Variants in CBLC observed in about 807,000 individuals in gnomAD.
CBLC encodes the protein Cbl proto-oncogene C.
CBLC carries 46 observed loss-of-function variants against 58.6 expected under a neutral mutation model. That is an observed-to-expected ratio of 0.79 (90% CI 0.62 to 1.00). The LOEUF is 1.00. Ranked by LOEUF, CBLC falls within the 50% of genes least tolerant of loss-of-function variation. The probability of loss-of-function intolerance (pLI) is 0.00; values close to 1 mark genes in which losing one functional copy is unlikely to be tolerated. For synonymous variants in CBLC, 271 were observed against 264.2 expected, an observed-to-expected ratio of 1.03 and a Z score of -0.25; for missense variants, 655 against 625.8, an observed-to-expected ratio of 1.05 and a Z score of -0.50.
At chr19:44,779,873 C>G (rs998268026) in intron 1 of CBLC, among the ~76,000 whole-genome samples, 3 of 151,972 alleles carry the variant, frequency 2.0e-5, no homozygotes, top group Admixed American at 2.0e-4. Flanking sequence ...TTAATTCATC[C>G]TGAGAGGACA....
rs781667442 is a variant in CBLC at position 44,789,954 on chromosome 19, G to A, written c.918-50G>A. On this transcript the variant is annotated intron_variant, in intron 5 of 10. Transcript: ENST00000647358. Reference sequence around the variant, plus strand: ...GGTAAAGGTACTTGTTCATCTGGGGGTGGGAAATACTGGATGGCCCCCCAG... The same window carrying A: ...GGTAAAGGTACTTGTTCATCTGGGGATGGGAAATACTGGATGGCCCCCCAG... 4.2e-6 allele frequency: 5 copies of A among 1,187,504 alleles called. No homozygotes were observed. The Admixed American group carries it at 5.1e-5, about 12-fold the overall frequency. The allele number at this position is 1,187,504 out of a possible 1,614,324, so 73.6% of individuals were successfully genotyped here.
intron 5 of CBLC, among the ~76,000 whole-genome samples, chr19:44,784,950 GTTTTTTTTTTTTTTTTTTTTTTTTTTTT>G: frequency 2.9e-5 from 1 of 34,372 alleles, no homozygotes; most frequent in East Asian, 9.1e-4. Context: ...CTAGACAGGT[GTTTTTTTTTTTTTTTTTTTTTTTTTTTT>G]TTTTTTTTTT....
intron 5 of CBLC, among the ~76,000 whole-genome samples, chr19:44,789,605 G>A (rs957556837): frequency 2.0e-5 from 3 of 152,110 alleles, no homozygotes; most frequent in Admixed American, 6.6e-5. Flanking sequence ...TAGCCAAGCT[G>A]GTCTTGAACT....
chr19:44,789,801 A>G (rs1249267539), intron 5 of CBLC, among the ~76,000 whole-genome samples: 1 of 152,174 alleles, frequency 6.6e-6, no homozygotes, highest in Non-Finnish European at 1.5e-5. Flanking sequence ...CTGAGGGGAC[A>G]TAGCCCTGCC....
In CBLC at chr19:44,778,045, C is replaced by A; in HGVS notation, c.114C>A (p.Ser38=). Residue 38 remains serine, a synonymous_variant, in exon 1 of 11, where the codon TCC becomes TCA. Transcript: ENST00000647358. ...LEEQCVDPRL[S]VSPPSLRDLL... ...AGCAATGCGTCGACCCCCGGCTGTC[C>A]GTGAGTCCCCCTTCGCTGCGGGACC... 1 of 1,609,248 alleles carries A rather than the reference C, an allele frequency of 6.2e-7. No homozygotes were observed.
intron 4 of CBLC, among the ~76,000 whole-genome samples, chr19:44,783,879 C>G (rs1967814619): frequency 6.6e-6 from 1 of 152,176 alleles, no homozygotes; most frequent in Non-Finnish European, 1.5e-5. Context: ...GTGTACCCTA[C>G]CTTCTTAGCA....
chr19:44,787,136 G>A (rs148809360), intron 5 of CBLC, among the ~76,000 whole-genome samples: 117 of 152,286 alleles, frequency 7.7e-4, no homozygotes, highest in African/African-American at 2.6e-3. Context: ...GCTCACGCCT[G>A]TAATCCCAGC....
chr19:44,800,335 T>C (rs749384545), intron 9 of CBLC, 46 bp from the exon 10 acceptor site: 18 of 1,328,722 alleles, frequency 1.4e-5, no homozygotes, highest in East Asian at 1.1e-4. Context: ...GAGGGAAAGA[T>C]TGGATGCCGG....
At chr19:44,787,645 C>T (rs1424249619) in intron 5 of CBLC, among the ~76,000 whole-genome samples, 5 of 150,854 alleles carry the variant, frequency 3.3e-5, no homozygotes, top group East Asian at 2.0e-4. Flanking sequence ...GGTGAAACCC[C>T]GTCTCTACTA....
chr19:44,785,981 G>A (rs1423678667), intron 5 of CBLC, among the ~76,000 whole-genome samples: 2 of 151,920 alleles, frequency 1.3e-5, no homozygotes, highest in Admixed American at 1.3e-4. Context: ...GTAGAGATGG[G>A]GGTGGGGTGT....
intron 1 of CBLC, 145 bp from the exon 2 acceptor site, chr19:44,780,760 A>C: frequency 1.2e-6 from 1 of 839,568 alleles, no homozygotes; most frequent in Non-Finnish European, 1.8e-6. Context: ...GGCGTGAGCC[A>C]CCACGCCCAG....
rs984100829 is a variant in CBLC, at chr19:44,784,404, G to A, written c.917+3G>A. On this transcript the variant is annotated splice_donor_region_variant and intron_variant, in intron 5 of 10. Transcript: ENST00000647358. ...CTGGAGGGACAGAAGGACGGCTTGT[G>A]AGTCTCCATTCTGGTAGGAGGAGGG... 2.5e-6 allele frequency: 4 copies of A among 1,573,984 alleles called. No homozygotes were observed. The highest frequency in any genetic ancestry group is 3.5e-6 in the Non-Finnish European group (4 of 1,149,174).
intron 8 of CBLC, 28 bp from the exon 9 acceptor site, chr19:44,794,176 C>G: frequency 6.3e-7 from 1 of 1,593,186 alleles, no homozygotes; most frequent in East Asian, 2.3e-5. Context: ...GCTCACAAGC[C>G]CCTTCTCCTT....
chr19:44,784,347 T>C lies in CBLC; in HGVS notation c.863T>C (p.Ile288Thr), dbSNP rs1452277500. 1 of 1,601,838 alleles carries C rather than the reference T, an allele frequency of 6.2e-7. No individual in the cohort carries two copies. Among genetic ancestry groups the C allele is most frequent in the South Asian group, 1.1e-5 (1 of 90,510 alleles). ...TCAGATGGCAGCATCCTGCAGACCA[T>C]CCCTGCCAACAAACCCCTGTCCCAG... ...VSSDGSILQT[I>T]PANKPLSQVL... The change falls in exon 5 of 11, where the codon ATC (isoleucine) becomes ACC (threonine). Residue 288 changes from isoleucine to threonine, a missense_variant. Physicochemically the swap from Ile to Thr is moderately conservative, Grantham distance 89. Around this residue, in one of 3 missense-constraint regions of CBLC, gnomAD observed 371 missense variants for 370.8 expected, o/e 1.00. Transcript: ENST00000647358.
chr19:44,795,760 G>A (rs1968164589), intron 9 of CBLC, among the ~76,000 whole-genome samples: 1 of 152,150 alleles, frequency 6.6e-6, no homozygotes, highest in Non-Finnish European at 1.5e-5. Flanking sequence ...ATCACTGTCA[G>A]GTTGCAACCT....
At chr19:44,796,865 A>G (rs1364015052) in intron 9 of CBLC, among the ~76,000 whole-genome samples, 1 of 146,678 alleles carries the variant, frequency 6.8e-6, no homozygotes, top group African/African-American at 2.5e-5. Context: ...GTCCGGGAAC[A>G]TTATTCGACC....
intron 7 of CBLC, among the ~76,000 whole-genome samples, 170 bp downstream of exon 7, chr19:44,792,684 G>C (rs1298625602): frequency 6.6e-6 from 1 of 152,176 alleles, no homozygotes; most frequent in Non-Finnish European, 1.5e-5. Context: ...AGGGCCTCTG[G>C]TTCCATCCCA....
intron 9 of CBLC, among the ~76,000 whole-genome samples, chr19:44,798,627 ATCGCTTGATTC>A (rs1463191327): frequency 1.3e-5 from 2 of 152,140 alleles, no homozygotes; most frequent in Non-Finnish European, 2.9e-5. Flanking sequence ...AGGTAGGAGA[ATCGCTTGATTC>A]TCGCTTGATT....
At chr19:44,787,308 G>T (rs1967934838) in intron 5 of CBLC, among the ~76,000 whole-genome samples, 1 of 151,832 alleles carries the variant, frequency 6.6e-6, no homozygotes, top group Non-Finnish European at 1.5e-5. Flanking sequence ...GCAGGAGAAT[G>T]GCGTGAACTC....
Sources: allele counts gnomAD v4.1 joint callset (sites outside exome capture counted in the v4.1 genomes callset), GRCh38; gene constraint gnomAD v4.1.1; regional missense constraint gnomAD v4.1.1; transcripts MANE v1.5; gene names NCBI Gene and HGNC (gene_info 2026-07-23, HGNC 2026-07-21).